CUBN: variants seen among roughly 807,000 people sequenced by gnomAD.
CUBN encodes cubilin.
In CUBN, 282 loss-of-function variants were observed where a neutral mutation model predicts 405.3. The observed-to-expected ratio is 0.70, with a 90% CI of 0.63 to 0.77. CUBN has a LOEUF of 0.77. Among genes scored for constraint, CUBN ranks in the 30% least tolerant of loss-of-function variants. The pLI, the probability that CUBN is intolerant of heterozygous loss-of-function variation, is 0.00. For synonymous variants in CUBN, 1,684 were observed against 1,617.0 expected (o/e 1.04, Z -0.99); for missense variants, 4,514 against 4,475.2 (o/e 1.01, Z -0.25).
At chr10:16,880,783 C>G (rs1203005124) in intron 56 of CUBN, among the ~76,000 whole-genome samples, 2 of 152,154 alleles carry the variant, frequency 1.3e-5, no homozygotes, top group Non-Finnish European at 2.9e-5. Context: ...GGTATCAATT[C>G]AAGATATACA....
At chr10:17,104,320 C>T (rs1836567590) in intron 12 of CUBN, 99 bp downstream of exon 12, 2 of 1,053,352 alleles carry the variant, frequency 1.9e-6, no homozygotes, top group African/African-American at 3.1e-5. Context: ...AGCAACTGGA[C>T]AAGAAAGTGG....
At chr10:17,024,143 T>C (rs1834588084) in intron 27 of CUBN, among the ~76,000 whole-genome samples, 2 of 152,110 alleles carry the variant, frequency 1.3e-5, no homozygotes, top group African/African-American at 4.8e-5. Flanking sequence ...CCAGTTGCAA[T>C]AGGAAGTGAT....
chr10:16,856,755 G>C (rs11815986), intron 59 of CUBN, among the ~76,000 whole-genome samples: 12,778 of 152,178 alleles, frequency 0.084, 743 homozygotes, highest in African/African-American at 0.16. Flanking sequence ...TGTGCTGTAC[G>C]AGCAGATACA....
chr10:17,071,072 G>A (rs111690690), intron 19 of CUBN, among the ~76,000 whole-genome samples: 5 of 152,190 alleles, frequency 3.3e-5, no homozygotes, highest in South Asian at 2.1e-4. Flanking sequence ...CATCATGAAA[G>A]GATGTTGAAT....
At chr10:16,964,092 A>G (rs1467855285) in intron 31 of CUBN, among the ~76,000 whole-genome samples, 5 of 152,228 alleles carry the variant, frequency 3.3e-5, no homozygotes, top group African/African-American at 1.2e-4. Context: ...GCCAGTCTGG[A>G]CAGGGAGAAG....
intron 1 of CUBN, 65 bp from the exon 2 acceptor site, chr10:17,129,315 A>T (rs1444139437): frequency 1.9e-6 from 3 of 1,562,014 alleles, no homozygotes; most frequent in Admixed American, 1.7e-5. Flanking sequence ...CCAAAATAAC[A>T]AAGTTTCTTA....
At chr10:16,978,538 TG>T (rs1450183179) in intron 31 of CUBN, among the ~76,000 whole-genome samples, 1 of 152,224 alleles carries the variant, frequency 6.6e-6, no homozygotes, top group African/African-American at 2.4e-5. Context: ...AACCTAATCT[TG>T]TAAAATAATA....
intron 22 of CUBN, among the ~76,000 whole-genome samples, chr10:17,051,599 A>G (rs932205602): frequency 5.9e-5 from 9 of 152,106 alleles, no homozygotes; most frequent in African/African-American, 2.2e-4. Flanking sequence ...AAAAAGGGAG[A>G]AAATTATTAA....
intron 22 of CUBN, among the ~76,000 whole-genome samples, chr10:17,058,288 G>T (rs1306880787): frequency 6.6e-6 from 1 of 151,944 alleles, no homozygotes; most frequent in East Asian, 1.9e-4. Flanking sequence ...CCTTCTGGAG[G>T]GACAGAAGTA....
intron 59 of CUBN, among the ~76,000 whole-genome samples, chr10:16,859,317 T>C (rs1039943294): frequency 1.3e-5 from 2 of 152,074 alleles, no homozygotes; most frequent in Admixed American, 1.3e-4. Context: ...GGGTAAAAGA[T>C]ATAAATAGAT....
At chr10:16,876,582 C>T (rs2131377193) in intron 57 of CUBN, among the ~76,000 whole-genome samples, 1 of 152,106 alleles carries the variant, frequency 6.6e-6, no homozygotes, top group Non-Finnish European at 1.5e-5. Context: ...ATAATTTGGA[C>T]CAACAGGCAA....
intron 64 of CUBN, among the ~76,000 whole-genome samples, chr10:16,833,917 G>A (rs1472034742): frequency 6.6e-6 from 1 of 152,190 alleles, no homozygotes; most frequent in East Asian, 1.9e-4. Context: ...CTCCAGATCA[G>A]GGGTAGAGGA....
At chr10:16,906,485 C>G (rs1412320457) in intron 49 of CUBN, 76 bp from the exon 50 acceptor site, 1 of 1,035,100 alleles carries the variant, frequency 9.7e-7, no homozygotes, top group Non-Finnish European at 1.5e-6. Flanking sequence ...AATACAGGAA[C>G]AGTAACTAAA....
In CUBN at chr10:17,047,450, G is replaced by A; in HGVS notation, c.3293C>T (p.Ala1098Val). The A allele has an allele frequency of 6.2e-7, 1 of 1,613,920 alleles. No homozygotes were observed. The highest frequency in any genetic ancestry group is 8.5e-7 in the Non-Finnish European group (1 of 1,179,894). The change falls in exon 23 of 67, where the codon GCC (alanine) becomes GTC (valine). Residue 1098 changes from alanine (A) to valine (V), a missense_variant. By Grantham distance (64) the Ala-to-Val change is moderately conservative. Transcript: ENST00000377833. Reference protein sequence around the residue: ...VHFTNFSLEEAIGNYYTDFLE... With the variant: ...VHFTNFSLEEVIGNYYTDFLE... The stretch of plus-strand genomic sequence containing the variant: ...AAAATCTGTATAATAGTTTCCAATG[G>A]CTTCCTCCAAGGAGAAGTTTGTGAA...
chr10:16,993,668 C>CTT (rs1203311608), intron 28 of CUBN, among the ~76,000 whole-genome samples: 1 of 140,828 alleles, frequency 7.1e-6, no homozygotes, highest in Non-Finnish European at 1.6e-5. Context: ...TTTTTCTTTT[C>CTT]TTTTTTTTTT....
intron 56 of CUBN, 22 bp downstream of exon 56, chr10:16,888,395 T>A (rs1238265440): frequency 2.5e-6 from 4 of 1,600,452 alleles, no homozygotes; most frequent in Admixed American, 3.3e-5. Flanking sequence ...TAAACGTAAT[T>A]TTTTTAAAAG....
chr10:16,984,080 T>C (rs1435379294), intron 30 of CUBN, 25 bp downstream of exon 30: 2 of 1,613,842 alleles, frequency 1.2e-6, no homozygotes, highest in Middle Eastern at 1.6e-4. Context: ...TTAAGTACTT[T>C]AGGAAACCTC....
At chr10:16,827,509 TTC>T (rs1364745088) in intron 66 of CUBN, among the ~76,000 whole-genome samples, 1 of 152,252 alleles carries the variant, frequency 6.6e-6, no homozygotes, top group African/African-American at 2.4e-5. Context: ...GCTGATACAG[TTC>T]TCTGTCTAGT....
chr10:16,905,997 C>T lies in CUBN; in HGVS notation c.7912+206G>A, dbSNP rs184934199. Among the ~76,000 whole-genome samples the T allele has an allele frequency of 1.1e-4, 17 of 152,100 alleles. 1 individual carries two copies. In the East Asian group the frequency reaches 3.3e-3, roughly 29 times the overall value. ...TATGTGGTGATGTACACCTGTAGTCCAAGCCACTTGGGGGACTGAGGCAAG... is the reference window on the plus strand; with the variant it reads ...TATGTGGTGATGTACACCTGTAGTCTAAGCCACTTGGGGGACTGAGGCAAG... On this transcript the variant is annotated intron_variant, in intron 50 of 66. Coordinates refer to ENST00000377833, the MANE Select transcript of CUBN (RefSeq NM_001081.4).
Sources: allele counts gnomAD v4.1 joint callset (sites outside exome capture counted in the v4.1 genomes callset), GRCh38; gene constraint gnomAD v4.1.1; transcripts MANE v1.5; gene names NCBI Gene and HGNC (gene_info 2026-07-23, HGNC 2026-07-21).